USP10: variants seen among roughly 807,000 people sequenced by gnomAD.
USP10 encodes ubiquitin specific peptidase 10.
In USP10, 22 loss-of-function variants were observed where a neutral mutation model predicts 84.5. The ratio of observed to expected loss-of-function variants is 0.26; its 90% CI spans 0.19 to 0.37. The LOEUF is 0.37. USP10 is among the 10% of genes least tolerant of loss of function. The pLI is 1.00. For synonymous variants in USP10, 454 were observed against 387.6 expected, an observed-to-expected ratio of 1.17 and a Z score of -2.01; for missense variants, 1,019 against 998.9, an observed-to-expected ratio of 1.02 and a Z score of -0.27.
chr16:84,717,239 C>T (rs1170777978), intron 1 of USP10, among the ~76,000 whole-genome samples: 1 of 151,800 alleles, frequency 6.6e-6, no homozygotes, highest in African/African-American at 2.4e-5. Context: ...AATGTGTGTA[C>T]ATGCATTCTT....
intron 1 of USP10, among the ~76,000 whole-genome samples, chr16:84,721,434 A>T (rs1342716535): frequency 1.3e-5 from 2 of 152,232 alleles, no homozygotes; most frequent in African/African-American, 4.8e-5. Context: ...CATCTGCTTT[A>T]CATAGATTGT....
At chr16:84,774,436 A>G (rs1914766557) in intron 12 of USP10, among the ~76,000 whole-genome samples, 1 of 151,760 alleles carries the variant, frequency 6.6e-6, no homozygotes, top group Admixed American at 6.6e-5. Context: ...TATTTGGAGA[A>G]ATCATGTTAC....
At chr16:84,766,600 G>A (rs1393417625) in intron 10 of USP10, among the ~76,000 whole-genome samples, 1 of 152,208 alleles carries the variant, frequency 6.6e-6, no homozygotes, top group African/African-American at 2.4e-5. Context: ...GCAGAGGCCG[G>A]GTATCAGAAT....
rs60900812 is a variant in USP10 at position 84,760,114 on chromosome 16, T to G, written c.1451-58T>G. 11,267 of 1,554,540 alleles carry G rather than the reference T, an allele frequency of 7.2e-3. 598 individuals are homozygous for G. In the African/African-American group the frequency reaches 0.13, roughly 18 times the overall value. On this transcript the variant is annotated intron_variant, in intron 7 of 13. Coordinates refer to ENST00000219473, the MANE Select transcript of USP10 (RefSeq NM_005153.3). ...GGGGGAGTTTTGATGATGTTGCTTTTTTCATCATTTATGAGTTCATTGTAG... is the reference window on the plus strand; with the variant it reads ...GGGGGAGTTTTGATGATGTTGCTTTGTTCATCATTTATGAGTTCATTGTAG...
chr16:84,748,153 C>CAAAAAAAA (rs1169089505), intron 4 of USP10, among the ~76,000 whole-genome samples: 10 of 51,160 alleles, frequency 2.0e-4, no homozygotes, highest in Non-Finnish European at 2.4e-4. Flanking sequence ...GACTCCATCT[C>CAAAAAAAA]AAAAAAAAAA....
chr16:84,743,959 G>C (rs1416112301), intron 3 of USP10, among the ~76,000 whole-genome samples: 1 of 152,188 alleles, frequency 6.6e-6, no homozygotes, highest in Admixed American at 6.5e-5. Context: ...CCATTTTTCA[G>C]ACTTAATTGA....
chr16:84,766,972 C>G (rs1193626692), intron 10 of USP10, among the ~76,000 whole-genome samples: 1 of 152,142 alleles, frequency 6.6e-6, no homozygotes, highest in Non-Finnish European at 1.5e-5. Context: ...GCCACCTTTG[C>G]TAAAACACAG....
rs115166719 is a variant in USP10, at chr16:84,719,854, G to T, written c.22-13581G>T. On this transcript the variant is annotated intron_variant, in intron 1 of 13. Coordinates refer to ENST00000219473, the MANE Select transcript of USP10 (RefSeq NM_005153.3). ...TTTAAATCTTTGGAGGGCATGTTTCGACAGATCATTAGGTGAAGGTTAAAC... is the reference window on the plus strand; with the variant it reads ...TTTAAATCTTTGGAGGGCATGTTTCTACAGATCATTAGGTGAAGGTTAAAC... Among the ~76,000 whole-genome samples the T allele has an allele frequency of 5.9e-3, 895 of 152,328 alleles. 5 individuals carry two copies. Among genetic ancestry groups the T allele is most frequent in the African/African-American group, 0.02 (848 of 41,556 alleles).
chr16:84,716,085 T>C (rs1267476972), intron 1 of USP10: 1 of 152,280 alleles, frequency 6.6e-6, no homozygotes, highest in African/African-American at 2.4e-5. Flanking sequence ...GGTGGGGGTG[T>C]GTTGACTTCT....
At chr16:84,733,260 T>A (rs1004271091) in intron 1 of USP10, 175 bp from the exon 2 acceptor site, 111 of 611,138 alleles carry the variant, frequency 1.8e-4, no homozygotes, top group Non-Finnish European at 2.9e-4. Context: ...CAGTAGTATT[T>A]CTTTTATATA....
At chr16:84,754,771 T>G (rs895911269) in intron 4 of USP10, among the ~76,000 whole-genome samples, 10 of 152,204 alleles carry the variant, frequency 6.6e-5, no homozygotes, top group Non-Finnish European at 1.2e-4. Context: ...GATTTATGTA[T>G]CCTTTGATTG....
Position 84,731,731 on chromosome 16 carries a change from A to G in USP10, c.22-1704A>G, listed in dbSNP as rs1017026888. On this transcript the variant is annotated intron_variant, in intron 1 of 13. Transcript: ENST00000219473. ...GAGTTTTTTAATTTAGTGATTTAAA[A>G]TTAGTAATTAATTTCCGCGAACACT... Among the ~76,000 whole-genome samples the G allele has an allele frequency of 1.1e-4, 17 of 151,384 alleles. 1 individual carries two copies. The highest frequency in any genetic ancestry group is 4.1e-4 in the African/African-American group (17 of 41,226).
chr16:84,760,247 CAGTT>C lies in USP10; in HGVS notation c.1528_1531del (p.Val510ThrfsTer18). 1 of 1,609,670 alleles carries C rather than the reference CAGTT, an allele frequency of 6.2e-7. No homozygotes were observed. Among genetic ancestry groups the C allele is most frequent in the Non-Finnish European group, 8.5e-7 (1 of 1,177,878 alleles). The stretch of plus-strand genomic sequence containing the variant: ...CCCACATATATTTACAGACTCCTGA[CAGTT>C]AACAAGTCAAGCCTGTCTGAAAAGG... On this transcript the variant is annotated frameshift_variant, in exon 8 of 14. Coordinates refer to ENST00000219473, the MANE Select transcript of USP10 (RefSeq NM_005153.3). LOFTEE classifies it high-confidence loss of function.
At chr16:84,743,258 G>A (rs1221477911) in intron 3 of USP10, among the ~76,000 whole-genome samples, 1 of 152,234 alleles carries the variant, frequency 6.6e-6, no homozygotes, top group African/African-American at 2.4e-5. Flanking sequence ...ATCGTCATCA[G>A]TGTTCTTTTC....
chr16:84,761,137 G>A (rs531348845), intron 8 of USP10, among the ~76,000 whole-genome samples: 21 of 152,256 alleles, frequency 1.4e-4, no homozygotes, highest in Middle Eastern at 3.4e-3. Context: ...TGCAGAAATG[G>A]AATGAAGTGC....
intron 8 of USP10, among the ~76,000 whole-genome samples, chr16:84,761,608 C>CA (rs1913212676): frequency 6.6e-6 from 1 of 152,240 alleles, no homozygotes; most frequent in Non-Finnish European, 1.5e-5. Context: ...CAGGGAAGGT[C>CA]ATTACAGACT....
chr16:84,762,050 G>C (rs1436114553), intron 8 of USP10, among the ~76,000 whole-genome samples: 1 of 152,256 alleles, frequency 6.6e-6, no homozygotes, highest in Non-Finnish European at 1.5e-5. Flanking sequence ...ATAGGCAGTT[G>C]TGCTGTGAAG....
chr16:84,717,049 A>T (rs1428580529), intron 1 of USP10, among the ~76,000 whole-genome samples: 2 of 152,206 alleles, frequency 1.3e-5, no homozygotes, highest in African/African-American at 2.4e-5. Flanking sequence ...GTTGAGAATC[A>T]GCTGCGGGTC....
chr16:84,760,933 G>C (rs1179658056), intron 8 of USP10, among the ~76,000 whole-genome samples: 1 of 152,204 alleles, frequency 6.6e-6, no homozygotes, highest in African/African-American at 2.4e-5. Flanking sequence ...GAGAAAAATA[G>C]TTGAGAAAAT....
Sources: gnomAD v4.1 joint callset for allele counts (sites outside exome capture counted in the v4.1 genomes callset) on GRCh38, gnomAD v4.1.1 for gene constraint, MANE v1.5 for transcripts, NCBI Gene and HGNC (gene_info 2026-07-23, HGNC 2026-07-21) for gene names.